The following SLC8A1 variants were observed in gnomAD, a reference collection of about 807,000 sequenced individuals.
SLC8A1 encodes sodium/calcium exchanger 1.
SLC8A1 carries 18 observed loss-of-function variants against 68.3 expected under a neutral mutation model. The ratio of observed to expected loss-of-function variants is 0.26; its 90% CI spans 0.18 to 0.39. The LOEUF is 0.39. SLC8A1 is among the 10% of genes least tolerant of loss of function. The pLI, the probability that SLC8A1 is intolerant of heterozygous loss-of-function variation, is 1.00. For missense variants in SLC8A1, 985 were observed against 1,156.7 expected (o/e 0.85, Z 2.15); for synonymous variants, 475 against 415.5 (o/e 1.14, Z -1.74).
chr2:40,507,639 A>G (rs975411179), intron 1 of SLC8A1, among the ~76,000 whole-genome samples: 1 of 152,074 alleles, frequency 6.6e-6, no homozygotes, highest in Non-Finnish European at 1.5e-5. Context: ...GCAGCCTTCA[A>G]ATCCTACTTC....
At chr2:40,164,975 T>A (rs2046307027) in exon 5 of SLC8A1, 1 of 1,613,856 alleles carries the variant, frequency 6.2e-7, no homozygotes, top group African/African-American at 1.3e-5. Flanking sequence ...CTGCTTGTCA[T>A]CATATTCGTC....
chr2:40,216,090 T>C lies in SLC8A1; in HGVS notation c.1809-38235A>G, dbSNP rs184145204. On this transcript the variant is annotated intron_variant, in intron 2 of 7. Transcript: ENST00000406785. ...GTGCAGAACGTGCAAGTTTGTTACA[T>C]AGGTATACGTGTGCCATGGTGGTTT... Among the ~76,000 whole-genome samples the C allele has an allele frequency of 2.4e-3, 366 of 151,938 alleles. 3 individuals carry two copies. The highest frequency in any genetic ancestry group is 8.2e-3 in the African/African-American group (341 of 41,444).
intron 1 of SLC8A1, among the ~76,000 whole-genome samples, chr2:40,511,885 A>T (rs577767763): frequency 6.6e-6 from 1 of 152,276 alleles, no homozygotes; most frequent in South Asian, 2.1e-4. Context: ...AATGTCGTTT[A>T]CAAGCAGCTC....
chr2:40,478,043 G>GACATCA (rs1559758249), intron 1 of SLC8A1, among the ~76,000 whole-genome samples: 10 of 152,298 alleles, frequency 6.6e-5, no homozygotes, highest in African/African-American at 2.4e-4. Flanking sequence ...ATCAAACTGT[G>GACATCA]AAAGTCAGTA....
At chr2:40,319,399 C>T (rs765540551) in intron 2 of SLC8A1, among the ~76,000 whole-genome samples, 2 of 152,070 alleles carry the variant, frequency 1.3e-5, no homozygotes, top group South Asian at 4.1e-4. Context: ...TTAGTCTTCT[C>T]ACTGGTTTTC....
exon 8 of SLC8A1, chr2:40,106,948 C>T (rs1309492459): frequency 1.3e-5 from 2 of 152,176 alleles, no homozygotes; most frequent in Admixed American, 1.3e-4. Context: ...TCTGAGAAAT[C>T]TCAGGTACCA....
At chr2:40,286,070 G>T (rs760136273) in intron 2 of SLC8A1, among the ~76,000 whole-genome samples, 23 of 152,146 alleles carry the variant, frequency 1.5e-4, no homozygotes, top group Non-Finnish European at 2.4e-4. Flanking sequence ...GCTAGTTACT[G>T]CTCAGTACCC....
chr2:40,444,405 G>A (rs1218951926), intron 1 of SLC8A1, among the ~76,000 whole-genome samples: 1 of 152,064 alleles, frequency 6.6e-6, no homozygotes, highest in Non-Finnish European at 1.5e-5. Context: ...GAAAACTTGG[G>A]GCCTGATAAC....
exon 1 of SLC8A1, chr2:40,451,998 A>G (rs2149880990): frequency 6.6e-6 from 1 of 151,930 alleles, no homozygotes; most frequent in East Asian, 1.9e-4. Context: ...CCCGATCAGG[A>G]AGAGGTCGCT....
chr2:40,317,562 G>A (rs913106716), intron 2 of SLC8A1, among the ~76,000 whole-genome samples: 1 of 151,982 alleles, frequency 6.6e-6, no homozygotes, highest in Admixed American at 6.6e-5. Flanking sequence ...AGACATGACT[G>A]TATGTCAACA....
At chr2:40,176,454 A>G (rs942314542) in intron 3 of SLC8A1, among the ~76,000 whole-genome samples, 4 of 152,292 alleles carry the variant, frequency 2.6e-5, no homozygotes, top group African/African-American at 4.8e-5. Flanking sequence ...TTTGGATCCC[A>G]TCTTTTAAGA....
At chr2:40,293,432 T>G (rs1443004143) in intron 2 of SLC8A1, among the ~76,000 whole-genome samples, 1 of 152,198 alleles carries the variant, frequency 6.6e-6, no homozygotes, top group African/African-American at 2.4e-5. Flanking sequence ...TGTGTCCAGT[T>G]AAATAAACCT....
chr2:40,396,094 C>G (rs1352170886), intron 2 of SLC8A1, among the ~76,000 whole-genome samples: 1 of 152,036 alleles, frequency 6.6e-6, no homozygotes, highest in Non-Finnish European at 1.5e-5. Context: ...GAATGTTTTG[C>G]TGAAAACACC....
At chr2:40,136,841 T>C (rs1226498190) in intron 7 of SLC8A1, among the ~76,000 whole-genome samples, 1 of 152,178 alleles carries the variant, frequency 6.6e-6, no homozygotes, top group African/African-American at 2.4e-5. Flanking sequence ...AAAATGTCTT[T>C]ATATAGATAT....
At chr2:40,328,334 C>T (rs2076059687) in intron 2 of SLC8A1, among the ~76,000 whole-genome samples, 2 of 152,150 alleles carry the variant, frequency 1.3e-5, no homozygotes, top group Non-Finnish European at 1.5e-5. Context: ...CATCGACTTC[C>T]CCCGTTCCAT....
intron 2 of SLC8A1, among the ~76,000 whole-genome samples, chr2:40,272,059 G>T (rs1335121060): frequency 1.3e-5 from 2 of 151,868 alleles, no homozygotes; most frequent in African/African-American, 4.8e-5. Context: ...TATAGAGATG[G>T]GGTCTCACTG....
Position 40,149,949 on chromosome 2 carries a change from A to G in SLC8A1, c.2162-10273T>C, listed in dbSNP as rs893857716. Reference sequence around the variant, plus strand: ...TTGGTTCTACAACTCCAGAAGAAAAATGAGCAATGCTTTATGGTGCAGCAG... The same window carrying G: ...TTGGTTCTACAACTCCAGAAGAAAAGTGAGCAATGCTTTATGGTGCAGCAG... On this transcript the variant is annotated intron_variant, in intron 6 of 7. Transcript: ENST00000406785. Among the ~76,000 whole-genome samples, 4 of 151,718 alleles carry G rather than the reference A, an allele frequency of 2.6e-5. No homozygotes were observed. The East Asian group carries it at 7.7e-4, about 29-fold the overall frequency.
At position 40,116,895 on chromosome 2, in the gene SLC8A1, T is replaced by G. The variant is rs570388157; in HGVS notation, c.2438-1266A>C. The G allele has an allele frequency of 3.1e-4, 47 of 152,320 alleles. 1 individual carries two copies. Among genetic ancestry groups the G allele is most frequent in the Admixed American group, 2.4e-3 (37 of 15,310 alleles). The allele number at this position is 152,320 out of a possible 1,614,324, so 9.4% of individuals were successfully genotyped here. On this transcript the variant is annotated intron_variant, in intron 7 of 7. Coordinates refer to ENST00000406785, the Ensembl canonical transcript of SLC8A1. ...TCTTGATGGGTAGAACACAGGGGTT[T>G]AGAGCACATTTGAGCTGGGGGACTT...
chr2:40,388,294 T>C lies in SLC8A1; in HGVS notation c.1808+40179A>G, dbSNP rs1037851360. On this transcript the variant is annotated intron_variant, in intron 2 of 7. Coordinates refer to ENST00000406785, the Ensembl canonical transcript of SLC8A1. ...ATGTTTTATGGATCACATTAATGTG[T>C]GTGTGTCCCCGTGAAACATAAGATA... Among the ~76,000 whole-genome samples the C allele has an allele frequency of 5.3e-5, 8 of 152,170 alleles. No individual in the cohort carries two copies. The South Asian group carries it at 1.7e-3, about 31-fold the overall frequency.
Sources: allele counts gnomAD v4.1 joint callset (sites outside exome capture counted in the v4.1 genomes callset), GRCh38; gene constraint gnomAD v4.1.1; transcripts MANE v1.5; gene names NCBI Gene and HGNC (gene_info 2026-07-23, HGNC 2026-07-21).